FER: variants seen among roughly 807,000 people sequenced by gnomAD.
FER encodes the protein tyrosine-protein kinase Fer.
In FER, 63 loss-of-function variants were observed where a neutral mutation model predicts 111.0. The observed-to-expected ratio is 0.57, with a 90% CI of 0.46 to 0.70. The LOEUF (loss-of-function observed/expected upper bound fraction) is 0.70, where lower values mean the gene tolerates loss of function less well. Among genes scored for constraint, FER ranks in the 30% least tolerant of loss-of-function variants. The pLI is 0.00. For synonymous variants in FER, 327 were observed against 313.9 expected (o/e 1.04, Z -0.44); for missense variants, 914 against 954.0 (o/e 0.96, Z 0.55).
chr5:109,155,475 A>C lies in FER; in HGVS notation c.2049-25272A>C, dbSNP rs540571474. On this transcript the variant is annotated intron_variant, in intron 17 of 19. Transcript: ENST00000281092. Reference sequence around the variant, plus strand: ...AATTGCATAGAGGTACTTGTAATTCAAGAGTGACTAGGAAAGTTTAATTGC... The same window carrying C: ...AATTGCATAGAGGTACTTGTAATTCCAGAGTGACTAGGAAAGTTTAATTGC... 3.0e-3 allele frequency among the ~76,000 whole-genome samples: 450 copies of C among 152,084 alleles called. 2 individuals carry two copies. The highest frequency in any genetic ancestry group is 0.01 in the African/African-American group (420 of 41,554).
intron 6 of FER, among the ~76,000 whole-genome samples, chr5:108,868,384 G>A (rs1007600426): frequency 2.0e-5 from 3 of 151,902 alleles, no homozygotes; most frequent in East Asian, 1.9e-4. Context: ...GAAGTTTTAC[G>A]TATGCAAAGC....
chr5:108,765,251 T>G (rs1752191067), intron 1 of FER, among the ~76,000 whole-genome samples: 1 of 152,198 alleles, frequency 6.6e-6, no homozygotes, highest in Non-Finnish European at 1.5e-5. Flanking sequence ...GTTTGAATTT[T>G]AAAAAGTTCC....
At chr5:108,799,743 A>C (rs1756422055) in intron 3 of FER, among the ~76,000 whole-genome samples, 1 of 152,138 alleles carries the variant, frequency 6.6e-6, no homozygotes, top group Non-Finnish European at 1.5e-5. Flanking sequence ...TGGTATTTTA[A>C]AAGTCACATT....
At chr5:108,992,577 G>T (rs1429034190) in intron 13 of FER, among the ~76,000 whole-genome samples, 8 of 151,536 alleles carry the variant, frequency 5.3e-5, no homozygotes, top group Admixed American at 3.9e-4. Flanking sequence ...AGTAGGGGTG[G>T]CTGGGCAGAG....
intron 8 of FER, among the ~76,000 whole-genome samples, chr5:108,881,565 T>C (rs1765678048): frequency 6.6e-6 from 1 of 152,098 alleles, no homozygotes; most frequent in Non-Finnish European, 1.5e-5. Flanking sequence ...CAAATTACCA[T>C]AGGCTGGATG....
rs188610636 is a variant in FER at position 108,988,169 on chromosome 5, G to C, written c.1656+28822G>C. Reference sequence around the variant, plus strand: ...CTTGGTCATGGTGGATTGTCCTTTTGATATTCTGTTGGATTCGGTTAGCTT... The same window carrying C: ...CTTGGTCATGGTGGATTGTCCTTTTCATATTCTGTTGGATTCGGTTAGCTT... On this transcript the variant is annotated intron_variant, in intron 13 of 19. Transcript: ENST00000281092. 2.9e-3 allele frequency among the ~76,000 whole-genome samples: 434 copies of C among 152,176 alleles called. 1 individual carries two copies. The highest frequency in any genetic ancestry group is 6.8e-3 in the Middle Eastern group (2 of 294).
intron 17 of FER, among the ~76,000 whole-genome samples, chr5:109,139,493 A>G (rs900747787): frequency 6.6e-6 from 1 of 151,716 alleles, no homozygotes; most frequent in African/African-American, 2.4e-5. Context: ...ACCTAGGGAC[A>G]TTGCTAAAAG....
At chr5:109,169,925 A>G (rs1756932001) in intron 17 of FER, among the ~76,000 whole-genome samples, 1 of 152,224 alleles carries the variant, frequency 6.6e-6, no homozygotes, top group South Asian at 2.1e-4. Flanking sequence ...CAAAGAGTTA[A>G]CCACTGCAGA....
intron 13 of FER, among the ~76,000 whole-genome samples, chr5:108,963,452 C>T (rs1401272957): frequency 1.3e-5 from 2 of 152,060 alleles, no homozygotes; most frequent in African/African-American, 4.8e-5. Flanking sequence ...ATCCCAGCTA[C>T]TTGGGGGGCT....
chr5:108,938,483 A>C (rs530037114), intron 10 of FER, among the ~76,000 whole-genome samples: 2 of 152,150 alleles, frequency 1.3e-5, no homozygotes, highest in South Asian at 4.1e-4. Context: ...ACTCGGTAAC[A>C]GTGTTTAGTT....
intron 10 of FER, among the ~76,000 whole-genome samples, chr5:108,918,526 G>A (rs1355006024): frequency 3.6e-5 from 5 of 140,508 alleles, no homozygotes; most frequent in Non-Finnish European, 7.6e-5. Context: ...TCGCTCTGTT[G>A]CCCAGGCTGG....
intron 15 of FER, among the ~76,000 whole-genome samples, chr5:109,045,365 C>T (rs1013002836): frequency 7.3e-5 from 11 of 149,818 alleles, no homozygotes; most frequent in Admixed American, 2.0e-4. Context: ...ACAAAACATG[C>T]ATAAATTTTT....
rs566848008 is a variant in FER, at chr5:108,773,942, C to CT, written c.-60+5707dup. ...GGTTTTTGTTTGTTTGTTTATTTTACTTTAAGTTCTGGTATACATGTGCAG... is the reference window on the plus strand; with the variant it reads ...GGTTTTTGTTTGTTTGTTTATTTTACTTTTAAGTTCTGGTATACATGTGCAG... On this transcript the variant is annotated intron_variant, in intron 2 of 19. Transcript: ENST00000281092. Among the ~76,000 whole-genome samples the CT allele has an allele frequency of 3.4e-4, 51 of 152,086 alleles. 2 individuals carry two copies. The East Asian group carries it at 5.6e-3, about 17-fold the overall frequency.
At chr5:108,816,170 C>T (rs566760399) in intron 3 of FER, among the ~76,000 whole-genome samples, 6 of 151,898 alleles carry the variant, frequency 4.0e-5, no homozygotes, top group South Asian at 2.1e-4. Context: ...ATATTAGGAA[C>T]GATTTGAGCT....
At chr5:109,053,239 A>G (rs933546220) in intron 16 of FER, among the ~76,000 whole-genome samples, 7 of 151,858 alleles carry the variant, frequency 4.6e-5, no homozygotes, top group East Asian at 1.9e-4. Context: ...AAATTAGCCA[A>G]GTGTGGTGGT....
In FER at chr5:108,967,759, C is replaced by CAAAAAAAAAAAAA. The variant is rs774855414; in HGVS notation, c.1656+8424_1656+8436dup. ...TGGGCGACAAAGCGAGACTCCGTCT[C>CAAAAAAAAAAAAA]AAAAAAAAAAAAAAAAAAAAAAAAC... is the stretch of plus-strand genomic sequence containing the variant. On this transcript the variant is annotated intron_variant, in intron 13 of 19. Transcript: ENST00000281092. Among the ~76,000 whole-genome samples the CAAAAAAAAAAAAA allele has an allele frequency of 7.2e-3, 247 of 34,434 alleles. 10 individuals are homozygous for CAAAAAAAAAAAAA. The highest frequency in any genetic ancestry group is 0.015 in the South Asian group (12 of 794). 22.6% of individuals were successfully genotyped at this position (34,434 alleles called of 152,430 possible).
intron 3 of FER, among the ~76,000 whole-genome samples, chr5:108,808,967 A>T (rs1236331170): frequency 6.6e-6 from 1 of 152,184 alleles, no homozygotes; most frequent in African/African-American, 2.4e-5. Flanking sequence ...TGTTGGCCTG[A>T]CAGATTTCCC....
chr5:109,023,932 A>C (rs1206758761), intron 13 of FER, among the ~76,000 whole-genome samples: 1 of 152,134 alleles, frequency 6.6e-6, no homozygotes, highest in Non-Finnish European at 1.5e-5. Context: ...AGAATGGTTA[A>C]TGTTTATTAA....
At chr5:108,942,862 CT>C (rs1756461229) in intron 10 of FER, among the ~76,000 whole-genome samples, 1 of 151,928 alleles carries the variant, frequency 6.6e-6, no homozygotes, top group Non-Finnish European at 1.5e-5. Flanking sequence ...TAAGAAGCCC[CT>C]AAGATATTTG....
Sources: gnomAD v4.1 joint callset for allele counts (sites outside exome capture counted in the v4.1 genomes callset) on GRCh38, gnomAD v4.1.1 for gene constraint, MANE v1.5 for transcripts, NCBI Gene and HGNC (gene_info 2026-07-23, HGNC 2026-07-21) for gene names.